Variants in NRCAM observed in about 807,000 individuals in gnomAD.
NRCAM encodes neuronal cell adhesion molecule.
A neutral mutation model predicts 156.5 loss-of-function variants in NRCAM; 83 were observed. The ratio of observed to expected loss-of-function variants is 0.53; its 90% CI spans 0.44 to 0.64. The LOEUF (loss-of-function observed/expected upper bound fraction) is 0.64. NRCAM is among the 30% of genes least tolerant of loss of function. NRCAM has a pLI of 0.00. For missense variants in NRCAM, 1,417 were observed against 1,597.3 expected (o/e 0.89, Z 1.92); for synonymous variants, 538 against 563.9 (o/e 0.95, Z 0.65).
intron 6 of NRCAM, among the ~76,000 whole-genome samples, chr7:108,232,778 A>T (rs1334234407): frequency 6.6e-6 from 1 of 152,078 alleles, no homozygotes; most frequent in African/African-American, 2.4e-5. Context: ...CATGCACACA[A>T]ATTGCCTGTC....
intron 13 of NRCAM, among the ~76,000 whole-genome samples, chr7:108,200,737 TACACACACAC>T (rs61489479): frequency 0.027 from 3,648 of 135,044 alleles, 143 homozygotes; most frequent in African/African-American, 0.08. Context: ...GATAAAGAAA[TACACACACAC>T]ACACACACAC....
chr7:108,182,737 C>G lies in NRCAM; in HGVS notation c.2488G>C (p.Ala830Pro). The G allele has an allele frequency of 6.2e-7, 1 of 1,614,210 alleles. No homozygotes were observed. Among genetic ancestry groups the G allele is most frequent in the Non-Finnish European group, 8.5e-7 (1 of 1,180,042 alleles). Residue 830 changes from alanine to proline, a missense_variant, in exon 23 of 33, where the codon GCC becomes CCC. Ala to Pro is a conservative substitution (Grantham distance 27, BLOSUM62 -1). Coordinates refer to ENST00000379028, the MANE Select transcript of NRCAM (RefSeq NM_001037132.4). ...CCCATGACTACAGCTGGCTCGGGGGCAAACCCCATGTCATTCAGGGCCTGA... is the reference window on the plus strand; with the variant it reads ...CCCATGACTACAGCTGGCTCGGGGGGAAACCCCATGTCATTCAGGGCCTGA... Reference protein sequence around the residue: ...KVQALNDMGFAPEPAVVMGHS... With the variant: ...KVQALNDMGFPPEPAVVMGHS...
At chr7:108,178,139 C>A in intron 25 of NRCAM, 27 bp from the exon 26 acceptor site, 1 of 1,604,116 alleles carries the variant, frequency 6.2e-7, no homozygotes, top group Non-Finnish European at 8.5e-7. Context: ...ACAGTCAACA[C>A]AAAGATTTCT....
intron 2 of NRCAM, among the ~76,000 whole-genome samples, chr7:108,355,005 G>A (rs537160090): frequency 2.1e-4 from 32 of 152,112 alleles, no homozygotes; most frequent in Non-Finnish European, 4.4e-4. Context: ...TGAAAGATGC[G>A]CAAACCTATT....
chr7:108,200,737 TACACACACACACACACACACAC>T (rs61489479), intron 13 of NRCAM, among the ~76,000 whole-genome samples: 229 of 135,064 alleles, frequency 1.7e-3, no homozygotes, highest in African/African-American at 5.4e-3. Context: ...GATAAAGAAA[TACACACACACACACACACACAC>T]ACACACACAC....
At chr7:108,247,966 T>C (rs2096068947) in intron 3 of NRCAM, among the ~76,000 whole-genome samples, 1 of 152,068 alleles carries the variant, frequency 6.6e-6, no homozygotes, top group African/African-American at 2.4e-5. Context: ...AAAACAAAAA[T>C]GGAAAGTAGG....
intron 3 of NRCAM, among the ~76,000 whole-genome samples, chr7:108,263,636 T>C (rs907635284): frequency 6.6e-6 from 1 of 152,198 alleles, no homozygotes; most frequent in Non-Finnish European, 1.5e-5. Context: ...CTACCATGAG[T>C]GCAACTGTCA....
chr7:108,178,863 A>T (rs1021503299), intron 25 of NRCAM, among the ~76,000 whole-genome samples: 2 of 151,886 alleles, frequency 1.3e-5, no homozygotes, highest in Non-Finnish European at 2.9e-5. Flanking sequence ...CCCTATTGTC[A>T]CTCTAGCCAA....
At chr7:108,247,615 T>C (rs2096042210) in intron 3 of NRCAM, among the ~76,000 whole-genome samples, 1 of 152,142 alleles carries the variant, frequency 6.6e-6, no homozygotes, top group African/African-American at 2.4e-5. Flanking sequence ...TGCTAAATTA[T>C]TTTAGCATAA....
At chr7:108,315,509 CA>C (rs760703413) in intron 2 of NRCAM, among the ~76,000 whole-genome samples, 20 of 152,202 alleles carry the variant, frequency 1.3e-4, no homozygotes, top group Non-Finnish European at 2.5e-4. Flanking sequence ...TTCCAAAAAA[CA>C]GACAGTATGG....
At chr7:108,403,627 G>A (rs567157509) in intron 1 of NRCAM, among the ~76,000 whole-genome samples, 18 of 152,112 alleles carry the variant, frequency 1.2e-4, no homozygotes, top group Middle Eastern at 3.2e-3. Context: ...ACATTTACTC[G>A]TTAGAGACTG....
Position 108,237,746 on chromosome 7 carries a change from A to C in NRCAM, c.124+6T>G, listed in dbSNP as rs768535433. 3.2e-5 allele frequency: 51 copies of C among 1,591,402 alleles called. No homozygotes were observed. Among genetic ancestry groups the C allele is most frequent in the Non-Finnish European group, 4.4e-5 (51 of 1,169,796 alleles). The stretch of plus-strand genomic sequence containing the variant: ...ACTGCCTAGTAATTTATAGAAGGAC[A>C]CTTACAGTCTTCAAGAAGTTTTGCT... On this transcript the variant is annotated splice_donor_region_variant and intron_variant, in intron 5 of 32. Coordinates refer to ENST00000379028, the MANE Select transcript of NRCAM (RefSeq NM_001037132.4).
At chr7:108,221,079 C>T (rs1243575211) in intron 11 of NRCAM, among the ~76,000 whole-genome samples, 4 of 152,068 alleles carry the variant, frequency 2.6e-5, no homozygotes, top group Admixed American at 2.6e-4. Context: ...ACACAAATGG[C>T]CAACAAACAT....
chr7:108,210,390 G>A (rs770566425), intron 11 of NRCAM, among the ~76,000 whole-genome samples: 2 of 152,072 alleles, frequency 1.3e-5, no homozygotes, highest in Non-Finnish European at 2.9e-5. Flanking sequence ...GGGACTACAG[G>A]TGCCCGCCAC....
At chr7:108,327,188 T>G (rs1199460611) in intron 2 of NRCAM, among the ~76,000 whole-genome samples, 1 of 152,180 alleles carries the variant, frequency 6.6e-6, no homozygotes, top group Non-Finnish European at 1.5e-5. Context: ...TGGGTGGGAA[T>G]TCAGCTCTGC....
chr7:108,283,063 T>C (rs1352372252), intron 3 of NRCAM, among the ~76,000 whole-genome samples: 1 of 35,986 alleles, frequency 2.8e-5, no homozygotes, highest in African/African-American at 1.4e-4. Flanking sequence ...GTATACTGAC[T>C]TTCTGTAATC....
chr7:108,354,927 C>T (rs1594842190), intron 2 of NRCAM, among the ~76,000 whole-genome samples: 1 of 151,692 alleles, frequency 6.6e-6, no homozygotes, highest in South Asian at 2.1e-4. Flanking sequence ...TTCTGTATAT[C>T]ACTAACAAAC....
intron 14 of NRCAM, among the ~76,000 whole-genome samples, chr7:108,197,478 A>AAT (rs2075766755): frequency 6.6e-6 from 1 of 152,198 alleles, no homozygotes; most frequent in Non-Finnish European, 1.5e-5. Flanking sequence ...ATTATTTGAG[A>AAT]ATATGTTTCA....
chr7:108,197,466 C>A (rs928326799), intron 14 of NRCAM, among the ~76,000 whole-genome samples: 2 of 152,054 alleles, frequency 1.3e-5, no homozygotes, highest in Admixed American at 1.3e-4. Context: ...TCACATAAGC[C>A]AATTATTTGA....
Sources: allele counts gnomAD v4.1 joint callset (sites outside exome capture counted in the v4.1 genomes callset), GRCh38; gene constraint gnomAD v4.1.1; transcripts MANE v1.5; gene names NCBI Gene and HGNC (gene_info 2026-07-23, HGNC 2026-07-21).